Variants in TOMM40L observed in about 807,000 individuals in gnomAD.
TOMM40L encodes the protein mitochondrial import receptor subunit TOM40B.
A neutral mutation model predicts 38.3 loss-of-function variants in TOMM40L; 17 were observed. The observed-to-expected ratio is 0.44, with a 90% CI of 0.30 to 0.67. The LOEUF is 0.67. Ranked by LOEUF, TOMM40L falls within the 30% of genes least tolerant of loss-of-function variation. The pLI is 0.08. For missense variants in TOMM40L, 294 were observed against 390.0 expected, an observed-to-expected ratio of 0.75 and a Z score of 2.07; for synonymous variants, 151 against 150.2, an observed-to-expected ratio of 1.01 and a Z score of -0.04.
In TOMM40L at chr1:161,226,464, G is replaced by A. The variant is rs1335687422; in HGVS notation, c.-26G>A. The A allele has an allele frequency of 1.1e-5, 17 of 1,600,366 alleles. No homozygotes were observed. Among genetic ancestry groups the A allele is most frequent in the Admixed American group, 1.7e-5 (1 of 58,452 alleles). ...TAGCGTCCTTTCACAGGCTAACCTCGGCTCTTCCCAGTCCTCTGGACTAAA... is the reference window on the plus strand; with the variant it reads ...TAGCGTCCTTTCACAGGCTAACCTCAGCTCTTCCCAGTCCTCTGGACTAAA... On this transcript the variant is annotated 5_prime_UTR_variant, in exon 2 of 10. Transcript: ENST00000367988.
chr1:161,229,251 G>A lies in TOMM40L; in HGVS notation c.*156G>A. 1.9e-6 allele frequency: 2 copies of A among 1,051,902 alleles called. No individual in the cohort carries two copies. Among genetic ancestry groups the A allele is most frequent in the Non-Finnish European group, 2.7e-6 (2 of 737,574 alleles). The allele number at this position is 1,051,902 out of a possible 1,614,324, so 65.2% of individuals were successfully genotyped here. Reference sequence around the variant, plus strand: ...GGACCATGCCCTCCTCAGAACTGGAGCTGCCACAGGGGCAGTTGATGAGGC... The same window carrying A: ...GGACCATGCCCTCCTCAGAACTGGAACTGCCACAGGGGCAGTTGATGAGGC... On this transcript the variant is annotated 3_prime_UTR_variant, in exon 10 of 10. Coordinates refer to ENST00000367988, the MANE Select transcript of TOMM40L (RefSeq NM_032174.6).
intron 9 of TOMM40L, 40 bp downstream of exon 9, chr1:161,228,857 G>A (rs770024468): frequency 1.2e-6 from 2 of 1,613,718 alleles, no homozygotes; most frequent in Non-Finnish European, 1.7e-6. Context: ...CCTGAGGAAT[G>A]GGGGATGCAG....
rs1280888734 is a variant in TOMM40L, at chr1:161,226,403, ATGGGGGGTGGGGCCCGT to A, written c.-78_-62del. On this transcript the variant is annotated 5_prime_UTR_variant, in exon 2 of 10. It removes the in-frame stop codon of an upstream open reading frame in the 5' UTR. Transcript: ENST00000367988. ...GTTTCTGAGGCTGGGGAGCCGGATA[ATGGGGGGTGGGGCCCGT>A]TGGGGGGTAAAGGGGCAATAGCGTC... The A allele has an allele frequency of 1.7e-6, 2 of 1,178,232 alleles. No homozygotes were observed. The highest frequency in any genetic ancestry group is 3.2e-5 in the African/African-American group (2 of 63,400). The allele number at this position is 1,178,232 out of a possible 1,614,324, so 73.0% of individuals were successfully genotyped here.
Position 161,226,763 on chromosome 1 carries a change from T to C in TOMM40L, c.116-125T>C, listed in dbSNP as rs1410994084. 1.4e-5 allele frequency: 18 copies of C among 1,292,376 alleles called. No individual in the cohort carries two copies. The East Asian group carries it at 3.9e-4, about 28-fold the overall frequency. 80.1% of individuals were successfully genotyped at this position (1,292,376 alleles called of 1,614,324 possible). A position where few individuals can be genotyped will look rare whatever the true frequency, so the allele number is the denominator to read the frequency against. On this transcript the variant is annotated intron_variant, in intron 2 of 9. Transcript: ENST00000367988. Reference sequence around the variant, plus strand: ...TGCCCAAATGAAGTGGAGCATTTCATTGCAGGACTTGAAAGGAGGTTAATT... The same window carrying C: ...TGCCCAAATGAAGTGGAGCATTTCACTGCAGGACTTGAAAGGAGGTTAATT...
rs766533700 is a variant in TOMM40L, at chr1:161,228,425, C to T, written c.608-3C>T. 1.2e-5 allele frequency: 19 copies of T among 1,613,928 alleles called. No homozygotes were observed. The African/African-American group carries it at 1.3e-4, about 11-fold the overall frequency. ...CTTCCCCTCTGTACTTTGGATTTTA[C>T]AGCTGTACACTGGGTAGCTACATTG... On this transcript the variant is annotated splice_region_variant and splice_polypyrimidine_tract_variant and intron_variant, in intron 7 of 9. Coordinates refer to ENST00000367988, the MANE Select transcript of TOMM40L (RefSeq NM_032174.6).
At position 161,228,186 on chromosome 1, in the gene TOMM40L, T is replaced by C; in HGVS notation, c.485T>C (p.Val162Ala). 6.3e-7 allele frequency: 1 copy of C among 1,582,898 alleles called. No individual in the cohort carries two copies. The highest frequency in any genetic ancestry group is 1.8e-5 in the Admixed American group (1 of 57,042). Residue 162 changes from valine (V) to alanine (A), a missense_variant and splice_region_variant, in exon 7 of 10, where the codon GTG (valine) becomes GCG (alanine). Physicochemically the swap from Val to Ala is moderately conservative, Grantham distance 64. Coordinates refer to ENST00000367988, the MANE Select transcript of TOMM40L (RefSeq NM_032174.6). The part of the protein sequence containing the change: ...LGNPDLIGES[V>A]IMVAHFLQSL... ...TCCATGTCTCCCCATTCCCCCACAG[T>C]GATCATGGTTGCTCACTTCCTGCAG...
chr1:161,228,048 G>A (rs1172395521), intron 6 of TOMM40L, 59 bp downstream of exon 6: 6 of 1,602,982 alleles, frequency 3.7e-6, no homozygotes, highest in Non-Finnish European at 5.1e-6. Context: ...ATGTTACTAT[G>A]CCTCTTCATC....
At position 161,230,029 on chromosome 1, in the gene TOMM40L, C is replaced by A; in HGVS notation, c.*934C>A. ...TCCCCTGAACTATTCCTCAGTGAAG[C>A]CAGGTCTGAACATTAGAGAAAATCA... On this transcript the variant is annotated 3_prime_UTR_variant, in exon 10 of 10. Transcript: ENST00000367988. The A allele has an allele frequency of 7.2e-7, 1 of 1,391,198 alleles. No individual in the cohort carries two copies. The allele number at this position is 1,391,198 out of a possible 1,614,324, so 86.2% of individuals were successfully genotyped here.
Position 161,226,464 on chromosome 1 carries a change from G to C in TOMM40L, c.-26G>C. 1.9e-6 allele frequency: 3 copies of C among 1,600,366 alleles called. No individual in the cohort carries two copies. The highest frequency in any genetic ancestry group is 2.6e-6 in the Non-Finnish European group (3 of 1,170,736). On this transcript the variant is annotated 5_prime_UTR_variant, in exon 2 of 10. Transcript: ENST00000367988. The stretch of plus-strand genomic sequence containing the variant: ...TAGCGTCCTTTCACAGGCTAACCTC[G>C]GCTCTTCCCAGTCCTCTGGACTAAA...
chr1:161,230,733 A>G lies in TOMM40L; in HGVS notation c.*1638A>G, dbSNP rs768193059. 2.5e-6 allele frequency: 4 copies of G among 1,594,836 alleles called. No individual in the cohort carries two copies. Among genetic ancestry groups the G allele is most frequent in the Non-Finnish European group, 3.4e-6 (4 of 1,168,772 alleles). On this transcript the variant is annotated 3_prime_UTR_variant, in exon 10 of 10. Coordinates refer to ENST00000367988, the MANE Select transcript of TOMM40L (RefSeq NM_032174.6). ...TTCCCTAAGGAAAGGACAGTAAAAA[A>G]ACATTCCTCCCAAGCTCAATGTTTC...
chr1:161,226,165 G>C (rs1261742513), intron 1 of TOMM40L, 29 bp downstream of exon 1: 1 of 270,882 alleles, frequency 3.7e-6, no homozygotes, highest in Non-Finnish European at 7.1e-6. Flanking sequence ...TTGCGGGCCT[G>C]GTCTTGGGGC....
chr1:161,229,540 A>G lies in TOMM40L; in HGVS notation c.*445A>G. 2.5e-6 allele frequency: 3 copies of G among 1,221,726 alleles called. No homozygotes were observed. The highest frequency in any genetic ancestry group is 3.4e-6 in the Non-Finnish European group (3 of 874,078). 75.7% of individuals were successfully genotyped at this position (1,221,726 alleles called of 1,614,324 possible). A position where few individuals can be genotyped will look rare whatever the true frequency, so the allele number is the denominator to read the frequency against. On this transcript the variant is annotated 3_prime_UTR_variant, in exon 10 of 10. Coordinates refer to ENST00000367988, the MANE Select transcript of TOMM40L (RefSeq NM_032174.6). ...TGGTCTCAGGAAGTGGGGCCCACCC[A>G]TTCCCAGAAGGAGCTTCTTTACCTC...
Position 161,230,374 on chromosome 1 carries a change from A to G in TOMM40L, c.*1279A>G. On this transcript the variant is annotated 3_prime_UTR_variant, in exon 10 of 10. Transcript: ENST00000367988. Reference sequence around the variant, plus strand: ...TAAATCACAGACTATTGAACCTGGAACTGGCTTTGACCATGAAACTGTGAA... The same window carrying G: ...TAAATCACAGACTATTGAACCTGGAGCTGGCTTTGACCATGAAACTGTGAA... 3.0e-6 allele frequency: 1 copy of G among 329,976 alleles called. No homozygotes were observed. The highest frequency in any genetic ancestry group is 4.7e-5 in the South Asian group (1 of 21,096). The allele number at this position is 329,976 out of a possible 1,614,324, so 20.4% of individuals were successfully genotyped here. A position where few individuals can be genotyped will look rare whatever the true frequency, so the allele number is the denominator to read the frequency against.
intron 5 of TOMM40L, 28 bp downstream of exon 5, chr1:161,227,765 T>A: frequency 6.3e-7 from 1 of 1,598,648 alleles, no homozygotes; most frequent in Non-Finnish European, 8.6e-7. Flanking sequence ...CTCCATCCCC[T>A]GAGGCACTTC....
chr1:161,229,199 T>G lies in TOMM40L; in HGVS notation c.*104T>G. ...AGAGCCCACCTTGCTGGGTGATCTC[T>G]AGGACCCAGGAGCAGAGTGGTGGAC... On this transcript the variant is annotated 3_prime_UTR_variant, in exon 10 of 10. Transcript: ENST00000367988. The G allele has an allele frequency of 7.2e-6, 11 of 1,535,830 alleles. No individual in the cohort carries two copies. The highest frequency in any genetic ancestry group is 1.4e-5 in the African/African-American group (1 of 73,414).
chr1:161,228,585 G>C lies in TOMM40L; in HGVS notation c.684+81G>C. 3 of 1,579,684 alleles carry C rather than the reference G, an allele frequency of 1.9e-6. No homozygotes were observed. The South Asian group carries it at 3.3e-5, about 18-fold the overall frequency. ...TCATCTGGACCTCTATCGCCCTGCTGACCTATTTTTCTTCCTACCACGCTG... is the reference window on the plus strand; with the variant it reads ...TCATCTGGACCTCTATCGCCCTGCTCACCTATTTTTCTTCCTACCACGCTG... On this transcript the variant is annotated intron_variant, in intron 8 of 9. Coordinates refer to ENST00000367988, the MANE Select transcript of TOMM40L (RefSeq NM_032174.6).
Position 161,226,425 on chromosome 1 carries a change from G to A in TOMM40L, c.-65G>A. 1.4e-6 allele frequency: 2 copies of A among 1,423,650 alleles called. No homozygotes were observed. The highest frequency in any genetic ancestry group is 1.9e-6 in the Non-Finnish European group (2 of 1,037,792). 88.2% of individuals were successfully genotyped at this position (1,423,650 alleles called of 1,614,324 possible). Reference sequence around the variant, plus strand: ...ATAATGGGGGGTGGGGCCCGTTGGGGGGTAAAGGGGCAATAGCGTCCTTTC... The same window carrying A: ...ATAATGGGGGGTGGGGCCCGTTGGGAGGTAAAGGGGCAATAGCGTCCTTTC... On this transcript the variant is annotated 5_prime_UTR_variant, in exon 2 of 10. Transcript: ENST00000367988.
chr1:161,228,862 A>T, intron 9 of TOMM40L, 45 bp downstream of exon 9: 1 of 1,613,690 alleles, frequency 6.2e-7, no homozygotes, highest in South Asian at 1.1e-5. Context: ...GGAATGGGGG[A>T]TGCAGAGGAG....
chr1:161,226,945 G>A lies in TOMM40L; in HGVS notation c.173G>A (p.Ser58Asn). The A allele has an allele frequency of 6.2e-7, 1 of 1,614,108 alleles. No homozygotes were observed. The highest frequency in any genetic ancestry group is 8.5e-7 in the Non-Finnish European group (1 of 1,180,014). The change falls in exon 3 of 10, where the codon AGC becomes AAC. Residue 58 changes from serine (S) to asparagine (N), a missense_variant. Transcript: ENST00000367988. ...VKLVVNKVLS[S>N]HFQVAHTIHM... ...CTCGTTGTCAACAAGGTTCTGAGCA[G>A]CCATTTCCAGGTGCTCCCACTTCTC...
Sources: allele counts gnomAD v4.1 joint callset, GRCh38; gene constraint gnomAD v4.1.1; transcripts MANE v1.5; gene names NCBI Gene and HGNC (gene_info 2026-07-23, HGNC 2026-07-21).